Variants in BNIP5 observed in about 807,000 individuals in gnomAD.
The protein encoded by BNIP5 is protein BNIP5.
Under a neutral mutation model 67.3 loss-of-function variants are expected in BNIP5, and 61 were observed. The ratio of observed to expected loss-of-function variants is 0.91; its 90% CI spans 0.74 to 1.12. The LOEUF is 1.12. Among genes scored for constraint, BNIP5 ranks in the 50% most tolerant of loss-of-function variants. BNIP5 has a pLI of 0.00. For missense variants in BNIP5, 826 were observed against 816.3 expected (o/e 1.01, Z -0.14); for synonymous variants, 317 against 319.0 (o/e 0.99, Z 0.07).
rs901398357 is a variant in BNIP5 at position 36,329,942 on chromosome 6, G to GAGGAAGGAAGGA, written c.610+127_610+138dup. The GAGGAAGGAAGGA allele has an allele frequency of 1.7e-5, 14 of 842,612 alleles. No individual in the cohort carries two copies. The South Asian group carries it at 1.8e-4, about 11-fold the overall frequency. The allele number at this position is 842,612 out of a possible 1,614,324, so 52.2% of individuals were successfully genotyped here. ...GAAGGAAGGGAGGGAGGAAGGGAGG[G>GAGGAAGGAAGGA]AGGAAGGAAGGAAGGAAGTCACAGC... is the stretch of plus-strand genomic sequence containing the variant. On this transcript the variant is annotated intron_variant, in intron 2 of 11. Coordinates refer to ENST00000437635, the MANE Select transcript of BNIP5 (RefSeq NM_001010903.5).
intron 7 of BNIP5, among the ~76,000 whole-genome samples, chr6:36,323,807 C>T (rs901232616): frequency 6.6e-6 from 1 of 152,006 alleles, no homozygotes; most frequent in Admixed American, 6.6e-5. Context: ...CGAGACCAGC[C>T]TGGCCAATAT....
In BNIP5 at chr6:36,319,624, T is replaced by C; in HGVS notation, c.1669-14A>G. ...GTGGCGCCTGATCTGGAAGTGGAAA[T>C]GAAAACAGGTCATTAGTGTTGCTGG... On this transcript the variant is annotated splice_polypyrimidine_tract_variant and intron_variant, in intron 10 of 11. Transcript: ENST00000437635. 6.2e-7 allele frequency: 1 copy of C among 1,606,700 alleles called. No individual in the cohort carries two copies. The highest frequency in any genetic ancestry group is 8.5e-7 in the Non-Finnish European group (1 of 1,174,502).
At chr6:36,325,520 T>A in intron 5 of BNIP5, 106 bp from the exon 6 acceptor site, 2 of 1,359,386 alleles carry the variant, frequency 1.5e-6, no homozygotes, top group Non-Finnish European at 2.0e-6. Context: ...TGGATCACAT[T>A]AAGGACTTAT....
intron 1 of BNIP5, among the ~76,000 whole-genome samples, chr6:36,332,824 GAAGGC>G (rs973477300): frequency 4.6e-4 from 70 of 152,154 alleles, no homozygotes; most frequent in Non-Finnish European, 8.2e-4. Context: ...GAGTTGTTCA[GAAGGC>G]CTCTTCCCTT....
Position 36,326,555 on chromosome 6 carries a change from G to A in BNIP5, c.991C>T (p.Pro331Ser), listed in dbSNP as rs1554141774. The change falls in exon 5 of 12, where the codon CCC becomes TCC. Residue 331 changes from proline (P) to serine (S), a missense_variant. Coordinates refer to ENST00000437635, the MANE Select transcript of BNIP5 (RefSeq NM_001010903.5). ...GGCCGATGGCCGCTGACACACAGGG[G>A]CAGAAAGCTGGACTTCTTGGGTGGC... Reference protein sequence around the residue: ...AWPPKKSSFLPLCVSGHRPSI... With the variant: ...AWPPKKSSFLSLCVSGHRPSI... 6.2e-7 allele frequency: 1 copy of A among 1,614,138 alleles called. No homozygotes were observed. Among genetic ancestry groups the A allele is most frequent in the Admixed American group, 1.7e-5 (1 of 60,016 alleles).
intron 1 of BNIP5, among the ~76,000 whole-genome samples, chr6:36,334,499 C>T (rs150243249): frequency 6.6e-6 from 1 of 152,236 alleles, no homozygotes; most frequent in African/African-American, 2.4e-5. Flanking sequence ...TGTCCTCAGT[C>T]CAGCTCTCTC....
In BNIP5 at chr6:36,330,060, G is replaced by A; in HGVS notation, c.610+21C>T. 3 of 1,573,868 alleles carry A rather than the reference G, an allele frequency of 1.9e-6. No individual in the cohort carries two copies. The Admixed American group carries it at 5.4e-5, about 28-fold the overall frequency. On this transcript the variant is annotated intron_variant, in intron 2 of 11. Coordinates refer to ENST00000437635, the MANE Select transcript of BNIP5 (RefSeq NM_001010903.5). ...TAGAGCACCCTAGGGGTTGCCATAGGAACAGGCACGGTCCGCTCACCCCTG... is the reference window on the plus strand; with the variant it reads ...TAGAGCACCCTAGGGGTTGCCATAGAAACAGGCACGGTCCGCTCACCCCTG...
chr6:36,332,817 T>C (rs1771936690), intron 1 of BNIP5, among the ~76,000 whole-genome samples: 1 of 152,194 alleles, frequency 6.6e-6, no homozygotes, highest in African/African-American at 2.4e-5. Context: ...TTTTCCAGAG[T>C]TGTTCAGAAG....
intron 1 of BNIP5, among the ~76,000 whole-genome samples, chr6:36,331,908 C>T (rs894059558): frequency 1.1e-4 from 16 of 152,234 alleles, no homozygotes; most frequent in African/African-American, 2.6e-4. Context: ...CTCACCCTGA[C>T]GGCCCCCTGT....
chr6:36,325,448 G>T (rs1252862331), intron 5 of BNIP5, 34 bp from the exon 6 acceptor site: 2 of 1,591,738 alleles, frequency 1.3e-6, no homozygotes, highest in Non-Finnish European at 1.7e-6. Context: ...GGTGTGTTTT[G>T]TCTGTCTGGG....
At chr6:36,327,853 T>C (rs748969257) in intron 3 of BNIP5, among the ~76,000 whole-genome samples, 84 of 151,868 alleles carry the variant, frequency 5.5e-4, no homozygotes, top group Non-Finnish European at 1.0e-3. Context: ...TTTTTTTTTT[T>C]ACTCCTAACT....
At chr6:36,318,188 A>G (rs1424491027) in intron 11 of BNIP5, among the ~76,000 whole-genome samples, 3 of 152,246 alleles carry the variant, frequency 2.0e-5, no homozygotes, top group Non-Finnish European at 4.4e-5. Context: ...TAGTAGCATC[A>G]TTGCAAAAGG....
intron 1 of BNIP5, among the ~76,000 whole-genome samples, chr6:36,332,072 C>T (rs1456667371): frequency 1.3e-5 from 2 of 152,124 alleles, no homozygotes; most frequent in East Asian, 3.9e-4. Context: ...TCCAAGAGGT[C>T]CCCTTTCACT....
chr6:36,329,968 G>A (rs909845349), intron 2 of BNIP5, 113 bp downstream of exon 2: 15 of 1,191,598 alleles, frequency 1.3e-5, no homozygotes, highest in South Asian at 1.5e-5. Context: ...AAGTCACAGC[G>A]GTGCCGGCCC....
chr6:36,330,707 C>A lies in BNIP5; in HGVS notation c.-4-13G>T. The A allele has an allele frequency of 6.5e-7, 1 of 1,532,108 alleles. No individual in the cohort carries two copies. The highest frequency in any genetic ancestry group is 8.7e-7 in the Non-Finnish European group (1 of 1,150,334). 94.9% of individuals were successfully genotyped at this position (1,532,108 alleles called of 1,614,324 possible). A position where few individuals can be genotyped will look rare whatever the true frequency, so the allele number is the denominator to read the frequency against. On this transcript the variant is annotated splice_polypyrimidine_tract_variant and intron_variant, in intron 1 of 11. Transcript: ENST00000437635. ...ATTCTCCATCGGGCTGCAACCAAAA[C>A]ACACAGCTCCCTTAGTTTTTTTGTT...
At position 36,330,123 on chromosome 6, in the gene BNIP5, C is replaced by A. The variant is rs2127369634; in HGVS notation, c.568G>T (p.Ala190Ser). The A allele has an allele frequency of 6.2e-7, 1 of 1,611,770 alleles. No individual in the cohort carries two copies. The highest frequency in any genetic ancestry group is 8.5e-7 in the Non-Finnish European group (1 of 1,179,924). The stretch of plus-strand genomic sequence containing the variant: ...AGGTCAGCCTCCCCGGAGCGCAAGG[C>A]AGCAGCTGCCTTGGACAACCCTTCC... The part of the protein sequence containing the change: ...REEGLSKAAA[A>S]LRSGEADLGP... The change falls in exon 2 of 12, where the codon GCC (alanine) becomes TCC (serine). Residue 190 changes from alanine (A) to serine (S), a missense_variant. Ala to Ser is a moderately conservative substitution (Grantham distance 99). Coordinates refer to ENST00000437635, the MANE Select transcript of BNIP5 (RefSeq NM_001010903.5).
intron 4 of BNIP5, 60 bp from the exon 5 acceptor site, chr6:36,326,813 T>A: frequency 6.2e-7 from 1 of 1,604,040 alleles, no homozygotes; most frequent in Non-Finnish European, 8.5e-7. Flanking sequence ...GAAAGCTCTC[T>A]GGAGGCAAGT....
rs762695668 is a variant in BNIP5 at position 36,326,614 on chromosome 6, C to A, written c.932G>T (p.Arg311Met). ...TGGACTGGAAACATCTGCAGCCCCC[C>A]TCTTGGCCTCCTCGGAGCCGTGTTT... ...PKKHGSEEAKRGAADVSSPEA... is the reference protein window; with the variant it reads ...PKKHGSEEAKMGAADVSSPEA... The change falls in exon 5 of 12, where the codon AGG becomes ATG. Residue 311 changes from arginine to methionine, a missense_variant. Physicochemically the swap from Arg to Met is moderately conservative, Grantham distance 91. Coordinates refer to ENST00000437635, the MANE Select transcript of BNIP5 (RefSeq NM_001010903.5). 1.5e-5 allele frequency: 24 copies of A among 1,614,146 alleles called. No homozygotes were observed. Among genetic ancestry groups the A allele is most frequent in the East Asian group, 4.5e-5 (2 of 44,898 alleles).
rs1285160966 is a variant in BNIP5, at chr6:36,326,955, G to T, written c.792+75C>A. 42 of 1,465,526 alleles carry T rather than the reference G, an allele frequency of 2.9e-5. No homozygotes were observed. In the East Asian group the frequency reaches 9.3e-4, roughly 32 times the overall value. The allele number at this position is 1,465,526 out of a possible 1,614,324, so 90.8% of individuals were successfully genotyped here. A position where few individuals can be genotyped will look rare whatever the true frequency, so the allele number is the denominator to read the frequency against. On this transcript the variant is annotated intron_variant, in intron 4 of 11. Coordinates refer to ENST00000437635, the MANE Select transcript of BNIP5 (RefSeq NM_001010903.5). ...AATGGACTAGAGCCCGGCCTGCAAG[G>T]ACAGGTGGAGCTTGGCAGAGGAGGA...
Sources: allele counts gnomAD v4.1 joint callset (sites outside exome capture counted in the v4.1 genomes callset), GRCh38; gene constraint gnomAD v4.1.1; transcripts MANE v1.5; gene names NCBI Gene and HGNC (gene_info 2026-07-23, HGNC 2026-07-21).